PDZD2: variants seen among roughly 807,000 people sequenced by gnomAD.
PDZD2 encodes PDZ domain containing 2, also known as PDZ domain-containing protein 2.
Under a neutral mutation model 220.7 loss-of-function variants are expected in PDZD2, and 90 were observed. The ratio of observed to expected loss-of-function variants is 0.41; its 90% CI spans 0.34 to 0.49. The LOEUF is 0.49. Ranked by LOEUF, PDZD2 falls within the 20% of genes least tolerant of loss-of-function variation. The pLI is 0.28. For synonymous variants in PDZD2, 1,375 were observed against 1,450.5 expected, an observed-to-expected ratio of 0.95 and a Z score of 1.18; for missense variants, 3,174 against 3,608.5, an observed-to-expected ratio of 0.88 and a Z score of 3.08.
chr5:32,096,148 A>G (rs181678092), intron 21 of PDZD2, among the ~76,000 whole-genome samples: 7 of 152,298 alleles, frequency 4.6e-5, no homozygotes, highest in Admixed American at 4.6e-4. Context: ...GAAGCTGGAC[A>G]AAGACCATTT....
chr5:31,981,334 A>C (rs1750282874), intron 2 of PDZD2, among the ~76,000 whole-genome samples: 1 of 152,188 alleles, frequency 6.6e-6, no homozygotes, highest in Non-Finnish European at 1.5e-5. Context: ...AGTCACTGTC[A>C]TTCCATTAAC....
intron 1 of PDZD2, among the ~76,000 whole-genome samples, chr5:31,751,135 G>A (rs547359066): frequency 1.1e-4 from 17 of 152,098 alleles, no homozygotes; most frequent in Non-Finnish European, 2.1e-4. Context: ...TCAGCTACTC[G>A]GAGGCCGAAG....
At chr5:31,903,879 A>G (rs565599110) in intron 2 of PDZD2, among the ~76,000 whole-genome samples, 17 of 151,580 alleles carry the variant, frequency 1.1e-4, no homozygotes, top group African/African-American at 4.1e-4. Context: ...GCCCGCCACC[A>G]TGCGCAGGAA....
chr5:31,725,485 G>A (rs1749069274), intron 1 of PDZD2: 1 of 1,235,088 alleles, frequency 8.1e-7, no homozygotes, highest in Middle Eastern at 2.1e-4. Flanking sequence ...AAAACTATGA[G>A]TAAATGAATG....
At chr5:31,791,726 A>T (rs991221374) in intron 1 of PDZD2, among the ~76,000 whole-genome samples, 1 of 152,126 alleles carries the variant, frequency 6.6e-6, no homozygotes, top group East Asian at 1.9e-4. Context: ...GCAGTAGGCA[A>T]TTTGACCAGA....
At position 31,989,416 on chromosome 5, in the gene PDZD2, C is replaced by CTTTTTTTTTTTTTTTTTTT. The variant is rs1385913596; in HGVS notation, c.978+5764_978+5765insTTTTTTTTTTTTTTTTTTT. Among the ~76,000 whole-genome samples the CTTTTTTTTTTTTTTTTTTT allele has an allele frequency of 5.8e-5, 7 of 120,646 alleles. 1 individual carries two copies. Among genetic ancestry groups the CTTTTTTTTTTTTTTTTTTT allele is most frequent in the South Asian group, 2.9e-4 (1 of 3,414 alleles). 79.1% of individuals were successfully genotyped at this position (120,646 alleles called of 152,430 possible). ...TATTCTGTGGTATATACCACATTTTCTTTTCTTTTTTTTTTTTTTTTTTTG... is the reference window on the plus strand; with the variant it reads ...TATTCTGTGGTATATACCACATTTTCTTTTTTTTTTTTTTTTTTTTTTTCTTTTTTTTTTTTTTTTTTTG... On this transcript the variant is annotated intron_variant, in intron 3 of 24. Coordinates refer to ENST00000438447, the MANE Select transcript of PDZD2 (RefSeq NM_178140.4).
intron 5 of PDZD2, among the ~76,000 whole-genome samples, chr5:32,002,795 C>A (rs1752308951): frequency 2.3e-5 from 3 of 131,046 alleles, no homozygotes; most frequent in African/African-American, 8.8e-5. Context: ...CCACACACAC[C>A]ACCAACACAA....
chr5:31,692,494 G>A (rs1747185099), intron 1 of PDZD2, among the ~76,000 whole-genome samples: 2 of 152,238 alleles, frequency 1.3e-5, no homozygotes, highest in Admixed American at 6.5e-5. Flanking sequence ...AGCGAGCGAG[G>A]GCTGTGAGGG....
intron 2 of PDZD2, among the ~76,000 whole-genome samples, chr5:31,898,339 T>G (rs1741761521): frequency 6.6e-6 from 1 of 152,220 alleles, no homozygotes; most frequent in Admixed American, 6.5e-5. Flanking sequence ...GAAGGAGCAC[T>G]GGTAGATTAG....
chr5:31,878,642 C>T (rs942210749), intron 2 of PDZD2, among the ~76,000 whole-genome samples: 1 of 136,614 alleles, frequency 7.3e-6, no homozygotes, highest in Non-Finnish European at 1.5e-5. Context: ...TCACTGCAGG[C>T]TCCGCCCCCC....
intron 5 of PDZD2, among the ~76,000 whole-genome samples, chr5:32,008,511 C>T (rs555481826): frequency 2.0e-5 from 3 of 152,196 alleles, no homozygotes; most frequent in Admixed American, 1.3e-4. Flanking sequence ...GTCTTGAACT[C>T]CTGACCTCAG....
At position 32,086,538 on chromosome 5, in the gene PDZD2, G is replaced by A. The variant is rs61101990; in HGVS notation, c.3683-593G>A. ...GGCAGATGTAAATGTTTCTTCTGCC[G>A]GCTAATCTGAGTTCTCTTAGAGCGT... is the stretch of plus-strand genomic sequence containing the variant. On this transcript the variant is annotated intron_variant, in intron 19 of 24. Transcript: ENST00000438447. 2.8e-3 allele frequency among the ~76,000 whole-genome samples: 423 copies of A among 152,232 alleles called. 2 individuals are homozygous for A. Among genetic ancestry groups the A allele is most frequent in the African/African-American group, 9.8e-3 (408 of 41,530 alleles).
At chr5:32,003,142 ACACCACACAC>A (rs1752420035) in intron 5 of PDZD2, among the ~76,000 whole-genome samples, 1 of 14,520 alleles carries the variant, frequency 6.9e-5, no homozygotes. Context: ...CACCACACAC[ACACCACACAC>A]CACCAACACA....
At chr5:31,889,243 T>C (rs1740795407) in intron 2 of PDZD2, among the ~76,000 whole-genome samples, 1 of 152,226 alleles carries the variant, frequency 6.6e-6, no homozygotes, top group African/African-American at 2.4e-5. Context: ...TTTAGCTCTC[T>C]TTTGGCAATT....
At chr5:31,788,545 G>T (rs978871070) in intron 1 of PDZD2, among the ~76,000 whole-genome samples, 1 of 151,834 alleles carries the variant, frequency 6.6e-6, no homozygotes, top group South Asian at 2.1e-4. Flanking sequence ...GGCGCCTGTA[G>T]TCCCAGCTGC....
intron 6 of PDZD2, among the ~76,000 whole-genome samples, chr5:32,021,494 C>T (rs191585500): frequency 6.6e-6 from 1 of 152,174 alleles, no homozygotes; most frequent in East Asian, 1.9e-4. Context: ...GATGGGGTTT[C>T]ACCATGTTGG....
chr5:31,657,145 T>A (rs1745583717), intron 1 of PDZD2: 1 of 152,244 alleles, frequency 6.6e-6, no homozygotes, highest in African/African-American at 2.4e-5. Flanking sequence ...AAGCACATTG[T>A]GTTTTTATCC....
Position 32,071,330 on chromosome 5 carries a change from T to C in PDZD2, c.2534-54T>C, listed in dbSNP as rs76666845. ...TTTTCTAGTTAAGGATGTGAGCCTA[T>C]TTGTGACTTGAGCTTTATTGTTTTG... On this transcript the variant is annotated intron_variant, in intron 15 of 24. Transcript: ENST00000438447. 4,289 of 1,287,616 alleles carry C rather than the reference T, an allele frequency of 3.3e-3. 134 individuals are homozygous for C. The African/African-American group carries it at 0.057, about 17-fold the overall frequency. The allele number at this position is 1,287,616 out of a possible 1,614,324, so 79.8% of individuals were successfully genotyped here.
chr5:31,687,678 A>C (rs556024830), intron 1 of PDZD2, among the ~76,000 whole-genome samples: 1 of 152,284 alleles, frequency 6.6e-6, no homozygotes, highest in South Asian at 2.1e-4. Context: ...GTATTTTGTC[A>C]TAGTTCTGGA....
Sources: allele counts gnomAD v4.1 joint callset (sites outside exome capture counted in the v4.1 genomes callset), GRCh38; gene constraint gnomAD v4.1.1; transcripts MANE v1.5; gene names NCBI Gene and HGNC (gene_info 2026-07-23, HGNC 2026-07-21).